The following SORCS1 variants were observed in gnomAD, a reference collection of about 807,000 sequenced individuals.
SORCS1 encodes sortilin related VPS10 domain containing receptor 1.
Under a neutral mutation model 146.1 loss-of-function variants are expected in SORCS1, and 60 were observed. The observed-to-expected ratio is 0.41, with a 90% confidence interval of 0.33 to 0.51. SORCS1 has a LOEUF of 0.51. Among genes scored for constraint, SORCS1 ranks in the 20% least tolerant of loss-of-function variants. SORCS1 has a pLI of 0.21. For missense variants in SORCS1, 1,352 were observed against 1,487.6 expected, an observed-to-expected ratio of 0.91 and a Z score of 1.50; for synonymous variants, 637 against 584.0, an observed-to-expected ratio of 1.09 and a Z score of -1.31.
chr10:106,745,729 A>G (rs1857684944), intron 5 of SORCS1, among the ~76,000 whole-genome samples: 1 of 152,176 alleles, frequency 6.6e-6, no homozygotes, highest in African/African-American at 2.4e-5. Context: ...GGACAAGAAA[A>G]AGAGTAACTT....
At chr10:106,795,706 T>C (rs1374932653) in intron 3 of SORCS1, among the ~76,000 whole-genome samples, 5 of 152,192 alleles carry the variant, frequency 3.3e-5, no homozygotes, top group Non-Finnish European at 7.3e-5. Flanking sequence ...ATTCTGAAGT[T>C]ATCCAGTATA....
At chr10:106,701,587 G>C (rs541848612) in intron 8 of SORCS1, among the ~76,000 whole-genome samples, 11 of 152,318 alleles carry the variant, frequency 7.2e-5, no homozygotes, top group Admixed American at 7.2e-4. Context: ...ATGAAAACAG[G>C]CTCAGCGGAT....
chr10:106,924,000 G>GT (rs1952853013), intron 2 of SORCS1, among the ~76,000 whole-genome samples: 1 of 152,168 alleles, frequency 6.6e-6, no homozygotes. Flanking sequence ...GCTCATGCCT[G>GT]TAATTCCAGC....
chr10:107,070,091 C>T (rs1402358078), intron 1 of SORCS1, among the ~76,000 whole-genome samples: 2 of 152,222 alleles, frequency 1.3e-5, no homozygotes, highest in Admixed American at 6.5e-5. Flanking sequence ...TGTGACTTCT[C>T]GTGCCTGACT....
intron 1 of SORCS1, among the ~76,000 whole-genome samples, chr10:106,995,802 T>C (rs551350164): frequency 1.6e-4 from 25 of 151,896 alleles, no homozygotes; most frequent in East Asian, 5.8e-4. Context: ...AAAAACAAAA[T>C]CATGATTTTC....
At chr10:106,579,276 C>T in intron 25 of SORCS1, 93 bp downstream of exon 25, 1 of 1,614,112 alleles carries the variant, frequency 6.2e-7, no homozygotes, top group South Asian at 1.1e-5. Context: ...GAAACCATCA[C>T]TGCTATGCAC....
chr10:106,816,608 T>C (rs1947753188), intron 3 of SORCS1, among the ~76,000 whole-genome samples: 2 of 152,204 alleles, frequency 1.3e-5, no homozygotes, highest in African/African-American at 2.4e-5. Context: ...AATTTTTTCC[T>C]AATTATTTTA....
chr10:106,667,606 G>C, intron 17 of SORCS1, 83 bp downstream of exon 17: 1 of 902,538 alleles, frequency 1.1e-6, no homozygotes. Flanking sequence ...CTTGGTCCTT[G>C]ATCAGAAGTA....
rs146744933 is a variant in SORCS1, at chr10:106,683,963, G to C, written c.1560+4229C>G. ...TAGAGTCACAGACAATGGAAGAAAG[G>C]TGAAAAACAGATTCTCCAATGGAAG... On this transcript the variant is annotated intron_variant, in intron 10 of 25. Transcript: ENST00000263054. Among the ~76,000 whole-genome samples, 140 of 152,236 alleles carry C rather than the reference G, an allele frequency of 9.2e-4. 1 individual carries two copies. Among genetic ancestry groups the C allele is most frequent in the African/African-American group, 3.2e-3 (133 of 41,530 alleles).
At chr10:106,817,632 A>G (rs1482298162) in intron 3 of SORCS1, among the ~76,000 whole-genome samples, 1 of 152,224 alleles carries the variant, frequency 6.6e-6, no homozygotes, top group Non-Finnish European at 1.5e-5. Context: ...AAGAGGCAAA[A>G]GAGTAGAATA....
rs139564961 is a variant in SORCS1, at chr10:106,974,516, G to A, written c.559-17936C>T. On this transcript the variant is annotated intron_variant, in intron 1 of 25. Coordinates refer to ENST00000263054, the MANE Select transcript of SORCS1 (RefSeq NM_052918.5). ...ATGGGGAGGATGGCACTGAGAGAAGGGTGGCAGGAGAAGCTTAACAAGAGA... is the reference window on the plus strand; with the variant it reads ...ATGGGGAGGATGGCACTGAGAGAAGAGTGGCAGGAGAAGCTTAACAAGAGA... Among the ~76,000 whole-genome samples the A allele has an allele frequency of 1.1e-3, 171 of 152,212 alleles. 1 individual carries two copies. The highest frequency in any genetic ancestry group is 3.1e-3 in the African/African-American group (127 of 41,534).
intron 1 of SORCS1, among the ~76,000 whole-genome samples, chr10:106,984,134 C>A (rs1313833822): frequency 1.3e-5 from 2 of 152,052 alleles, no homozygotes; most frequent in Admixed American, 6.6e-5. Flanking sequence ...ATATTTTAGT[C>A]AATTATAAAA....
At chr10:107,105,319 G>C (rs1228090021) in intron 1 of SORCS1, among the ~76,000 whole-genome samples, 2 of 152,178 alleles carry the variant, frequency 1.3e-5, no homozygotes, top group Admixed American at 6.5e-5. Context: ...GGCAAACAGA[G>C]TGTATTAGGG....
chr10:107,146,050 C>T (rs113726763), intron 1 of SORCS1, among the ~76,000 whole-genome samples: 4 of 152,290 alleles, frequency 2.6e-5, no homozygotes, highest in African/African-American at 9.6e-5. Flanking sequence ...AGTTTTATTG[C>T]ATCCTTATAT....
At chr10:106,951,513 GAA>G in intron 2 of SORCS1, among the ~76,000 whole-genome samples, 1 of 113,972 alleles carries the variant, frequency 8.8e-6, no homozygotes, top group Admixed American at 9.3e-5. Flanking sequence ...CTCCGTCTCT[GAA>G]AAAAAAAAAA....
At chr10:106,633,408 G>A (rs759059753) in intron 18 of SORCS1, among the ~76,000 whole-genome samples, 7 of 151,962 alleles carry the variant, frequency 4.6e-5, no homozygotes, top group Non-Finnish European at 7.4e-5. Flanking sequence ...TAGAATATTC[G>A]AATTTATTCC....
At chr10:106,684,670 G>A (rs1341879221) in intron 10 of SORCS1, among the ~76,000 whole-genome samples, 1 of 152,046 alleles carries the variant, frequency 6.6e-6, no homozygotes, top group Non-Finnish European at 1.5e-5. Context: ...CACTGCATTC[G>A]GGCTGCAATT....
chr10:107,127,138 G>A (rs1225125925), intron 1 of SORCS1, among the ~76,000 whole-genome samples: 2 of 152,074 alleles, frequency 1.3e-5, no homozygotes, highest in Non-Finnish European at 2.9e-5. Flanking sequence ...AAATGCTCAT[G>A]TTACATTGGC....
intron 19 of SORCS1, 83 bp from the exon 20 acceptor site, chr10:106,620,644 T>C (rs1365123929): frequency 2.0e-6 from 3 of 1,484,538 alleles, no homozygotes; most frequent in Non-Finnish European, 2.7e-6. Context: ...GATCACACAT[T>C]TACTCTTGAA....
Sources: gnomAD v4.1 joint callset for allele counts (sites outside exome capture counted in the v4.1 genomes callset) on GRCh38, gnomAD v4.1.1 for gene constraint, MANE v1.5 for transcripts, NCBI Gene and HGNC (gene_info 2026-07-23, HGNC 2026-07-21) for gene names.